ALG9: variants seen among roughly 807,000 people sequenced by gnomAD.
ALG9 encodes the protein alpha-1,2-mannosyltransferase ALG9.
In ALG9, 55 loss-of-function variants were observed where a neutral mutation model predicts 81.8. The observed-to-expected ratio is 0.67, with a 90% CI of 0.54 to 0.84. The LOEUF is 0.84. Among genes scored for constraint, ALG9 ranks in the 40% least tolerant of loss-of-function variants. The pLI, the probability that ALG9 is intolerant of heterozygous loss-of-function variation, is 0.00. For missense variants in ALG9, 629 were observed against 745.0 expected (o/e 0.84, Z 1.81); for synonymous variants, 278 against 274.3 (o/e 1.01, Z -0.13).
At chr11:111,860,860 C>T (rs1959834646) in intron 4 of ALG9, among the ~76,000 whole-genome samples, 1 of 152,102 alleles carries the variant, frequency 6.6e-6, no homozygotes, top group African/African-American at 2.4e-5. Context: ...TCTTTACATG[C>T]TAAGATTATA....
chr11:111,844,354 T>C lies in ALG9; in HGVS notation c.1018+247A>G, dbSNP rs569538930. ...TTACTTCCCTGGGTGATTGTGTAAA[T>C]TATATTGACTTCCTCACTTAAAGCA... is the stretch of plus-strand genomic sequence containing the variant. On this transcript the variant is annotated intron_variant, in intron 9 of 14. Coordinates refer to ENST00000616540, the MANE Select transcript of ALG9 (RefSeq NM_024740.2). Among the ~76,000 whole-genome samples the C allele has an allele frequency of 2.0e-5, 3 of 152,316 alleles. No individual in the cohort carries two copies. In the South Asian group the frequency reaches 6.2e-4, roughly 32 times the overall value.
At chr11:111,853,616 T>C in intron 7 of ALG9, 33 bp downstream of exon 7, 1 of 1,607,044 alleles carries the variant, frequency 6.2e-7, no homozygotes, top group Non-Finnish European at 8.5e-7. Context: ...TCATTACAAC[T>C]TTAGGACAAA....
intron 14 of ALG9, among the ~76,000 whole-genome samples, chr11:111,788,119 C>T (rs1181827173): frequency 1.3e-5 from 2 of 152,190 alleles, no homozygotes; most frequent in Non-Finnish European, 2.9e-5. Context: ...AATGAGGTAG[C>T]TGAAGGTGCT....
chr11:111,811,026 C>G (rs551315936), intron 13 of ALG9, among the ~76,000 whole-genome samples: 1 of 152,130 alleles, frequency 6.6e-6, no homozygotes, highest in Non-Finnish European at 1.5e-5. Context: ...AGAAACAAAA[C>G]TCATTCATCA....
At chr11:111,806,651 C>T (rs1480802401) in intron 14 of ALG9, among the ~76,000 whole-genome samples, 2 of 152,110 alleles carry the variant, frequency 1.3e-5, no homozygotes, top group East Asian at 3.9e-4. Context: ...GTGATCTCAT[C>T]CAGTCTCATG....
At chr11:111,800,518 A>C (rs1448784212) in intron 14 of ALG9, among the ~76,000 whole-genome samples, 1 of 151,126 alleles carries the variant, frequency 6.6e-6, no homozygotes, top group Admixed American at 6.6e-5. Flanking sequence ...AAAGAATCTA[A>C]CTCTATAACA....
At position 111,786,321 on chromosome 11, in the gene ALG9, G is replaced by A. The variant is rs782612113; in HGVS notation, c.*76C>T. On this transcript the variant is annotated 3_prime_UTR_variant, in exon 15 of 15. Coordinates refer to ENST00000616540, the MANE Select transcript of ALG9 (RefSeq NM_024740.2). Reference sequence around the variant, plus strand: ...GACCTTTATTACAAATGTTACAGGCGATGACTTGCAGGGAGTCAGGTCACT... The same window carrying A: ...GACCTTTATTACAAATGTTACAGGCAATGACTTGCAGGGAGTCAGGTCACT... The A allele has an allele frequency of 2.0e-5, 32 of 1,596,044 alleles. No individual in the cohort carries two copies. Among genetic ancestry groups the A allele is most frequent in the African/African-American group, 1.7e-4 (13 of 74,446 alleles).
At chr11:111,858,178 G>A (rs908372323) in intron 5 of ALG9, among the ~76,000 whole-genome samples, 2 of 152,042 alleles carry the variant, frequency 1.3e-5, no homozygotes, top group Non-Finnish European at 2.9e-5. Flanking sequence ...CTCGTGATCT[G>A]CCTGTCTCGA....
the ALG9 span, chr11:111,769,215 G>A: frequency 1.3e-5 from 2 of 151,270 alleles, no homozygotes; most frequent in East Asian, 1.9e-4. Flanking sequence ...GGAGGCTGAG[G>A]TGGGAGGATC....
At chr11:111,798,718 C>T (rs182065266) in intron 14 of ALG9, among the ~76,000 whole-genome samples, 2 of 152,260 alleles carry the variant, frequency 1.3e-5, no homozygotes, top group Admixed American at 1.3e-4. Flanking sequence ...TTTGATAAAC[C>T]TTTATAAAAT....
chr11:111,790,546 G>A (rs1171681684), intron 14 of ALG9, among the ~76,000 whole-genome samples: 2 of 152,054 alleles, frequency 1.3e-5, no homozygotes, highest in African/African-American at 4.8e-5. Context: ...AGTTCAAAAG[G>A]CAAGCTAAAA....
Position 111,784,064 on chromosome 11 carries a change from T to G in ALG9, c.*2333A>C, listed in dbSNP as rs1555059851. On this transcript the variant is annotated 3_prime_UTR_variant, in exon 15 of 15. Transcript: ENST00000616540. The stretch of plus-strand genomic sequence containing the variant: ...GGGAAACATAGAGGGCCTTAGCTAC[T>G]GTGAAGAACAGCACATTATTACTGC... 1.3e-5 allele frequency: 2 copies of G among 152,248 alleles called. No homozygotes were observed. The highest frequency in any genetic ancestry group is 1.3e-4 in the Admixed American group (2 of 15,272). The allele number at this position is 152,248 out of a possible 1,614,324, so 9.4% of individuals were successfully genotyped here.
intron 9 of ALG9, among the ~76,000 whole-genome samples, chr11:111,841,513 G>T (rs1236449163): frequency 6.6e-6 from 1 of 152,210 alleles, no homozygotes; most frequent in Non-Finnish European, 1.5e-5. Flanking sequence ...CCAAGAACCT[G>T]CTGGAAAGTT....
In ALG9 at chr11:111,853,743, AAC is replaced by A. The variant is rs1555141162; in HGVS notation, c.702-9_702-8del. The A allele has an allele frequency of 6.2e-7, 1 of 1,606,336 alleles. No homozygotes were observed. Among genetic ancestry groups the A allele is most frequent in the African/African-American group, 1.3e-5 (1 of 74,904 alleles). ...ATCAAAGGCAATGGGTAAACTATTT[AAC>A]AGAGAAACAGAGCGGGGAGTTAAAT... On this transcript the variant is annotated splice_region_variant and splice_polypyrimidine_tract_variant and intron_variant, in intron 6 of 14. Coordinates refer to ENST00000616540, the MANE Select transcript of ALG9 (RefSeq NM_024740.2).
chr11:111,810,558 C>T (rs1405862472), intron 13 of ALG9, among the ~76,000 whole-genome samples: 1 of 152,110 alleles, frequency 6.6e-6, no homozygotes, highest in Non-Finnish European at 1.5e-5. Context: ...GAGTTCAAGA[C>T]TAGCCTGAGC....
At position 111,785,911 on chromosome 11, in the gene ALG9, T is replaced by G. The variant is rs1246859730; in HGVS notation, c.*486A>C. 2.5e-6 allele frequency: 1 copy of G among 392,486 alleles called. No individual in the cohort carries two copies. Among genetic ancestry groups the G allele is most frequent in the Admixed American group, 3.2e-5 (1 of 31,694 alleles). 24.3% of individuals were successfully genotyped at this position (392,486 alleles called of 1,614,324 possible). On this transcript the variant is annotated 3_prime_UTR_variant, in exon 15 of 15. Coordinates refer to ENST00000616540, the MANE Select transcript of ALG9 (RefSeq NM_024740.2). ...AACTAGGCTGTGTTCATTTTCAGCA[T>G]GAGGATTTCAATAAGAAGGTCTGCT...
At chr11:111,817,411 TGTA>T (rs1458891288) in intron 13 of ALG9, 9 of 152,118 alleles carry the variant, frequency 5.9e-5, no homozygotes, top group Admixed American at 5.9e-4. Context: ...CGGGCTGGAG[TGTA>T]GTAGTGCAAA....
intron 3 of ALG9, among the ~76,000 whole-genome samples, chr11:111,867,543 A>G (rs192876081): frequency 1.7e-3 from 255 of 152,378 alleles, no homozygotes; most frequent in Middle Eastern, 6.8e-3. Context: ...AAACTGAAAA[A>G]GTACATAGAA....
chr11:111,799,989 T>C (rs1333333662), intron 14 of ALG9, among the ~76,000 whole-genome samples: 1 of 152,174 alleles, frequency 6.6e-6, no homozygotes, highest in Non-Finnish European at 1.5e-5. Context: ...AAGCACCCCC[T>C]CCTTCTGGAA....
Sources: gnomAD v4.1 joint callset for allele counts (sites outside exome capture counted in the v4.1 genomes callset) on GRCh38, gnomAD v4.1.1 for gene constraint, MANE v1.5 for transcripts, NCBI Gene and HGNC (gene_info 2026-07-23, HGNC 2026-07-21) for gene names.